The following ST8SIA1 variants were observed in gnomAD, a reference collection of about 807,000 sequenced individuals.
ST8SIA1 encodes alpha-N-acetylneuraminide alpha-2,8-sialyltransferase.
In ST8SIA1, 16 loss-of-function variants were observed where a neutral mutation model predicts 35.9. That is an observed-to-expected ratio of 0.45 (90% CI 0.30 to 0.68). The LOEUF is 0.68. Ranked by LOEUF, ST8SIA1 falls within the 30% of genes least tolerant of loss-of-function variation. The pLI is 0.09. For synonymous variants in ST8SIA1, 170 were observed against 169.6 expected (o/e 1.00, Z -0.02); for missense variants, 383 against 453.6 (o/e 0.84, Z 1.41).
chr12:22,269,711 CTTTTATATGGACAATAAAG>C (rs926497717), intron 2 of ST8SIA1, among the ~76,000 whole-genome samples: 3 of 152,162 alleles, frequency 2.0e-5, no homozygotes, highest in African/African-American at 7.2e-5. Context: ...GTATTCTCTT[CTTTTATATGGACAATAAAG>C]TTTGCTTAAT....
chr12:22,202,730 A>G (rs1286225658), intron 4 of ST8SIA1, among the ~76,000 whole-genome samples: 6 of 152,238 alleles, frequency 3.9e-5, no homozygotes, highest in African/African-American at 1.4e-4. Context: ...ATAAAGTACT[A>G]TGGAATACAG....
In ST8SIA1 at chr12:22,201,577, T is replaced by A; in HGVS notation, c.1046A>T (p.Asp349Val). Residue 349 changes from aspartate to valine, a missense_variant, in exon 5 of 5, where the codon GAT becomes GTT. By Grantham distance (152) the Asp-to-Val change is radical. Coordinates refer to ENST00000396037, the MANE Select transcript of ST8SIA1 (RefSeq NM_003034.4). ...CTAGGAAGTGGGCTGGAGTGAGGTA[T>A]CTTCACATGGGTCCAGCTGCATTCT... ...ALRMQLDPCE[D>V]TSLQPTS 2 of 1,611,916 alleles carry A rather than the reference T, an allele frequency of 1.2e-6. No homozygotes were observed. The highest frequency in any genetic ancestry group is 1.7e-6 in the Non-Finnish European group (2 of 1,179,002).
chr12:22,321,419 T>C (rs1307770482), intron 1 of ST8SIA1, among the ~76,000 whole-genome samples: 1 of 152,158 alleles, frequency 6.6e-6, no homozygotes, highest in Non-Finnish European at 1.5e-5. Context: ...AATATTCCCC[T>C]CCTCCCTGCC....
At chr12:22,211,962 C>T (rs1291124839) in intron 4 of ST8SIA1, among the ~76,000 whole-genome samples, 2 of 152,270 alleles carry the variant, frequency 1.3e-5, no homozygotes, top group Admixed American at 1.3e-4. Context: ...CCACGCACCT[C>T]GGCCTCCCAA....
In ST8SIA1 at chr12:22,198,216, T is replaced by G. The variant is rs1435501689; in HGVS notation, c.*3336A>C. 1.3e-5 allele frequency: 2 copies of G among 152,108 alleles called. No homozygotes were observed. Among genetic ancestry groups the G allele is most frequent in the Admixed American group, 1.3e-4 (2 of 15,260 alleles). 9.4% of individuals were successfully genotyped at this position (152,108 alleles called of 1,614,324 possible). A position where few individuals can be genotyped will look rare whatever the true frequency, so the allele number is the denominator to read the frequency against. ...ACAACAATTTTTTTAATTAGTCTGA[T>G]GGTACAAAGTGATGCCCCCTCTTGG... On this transcript the variant is annotated 3_prime_UTR_variant, in exon 5 of 5. Transcript: ENST00000396037.
intron 2 of ST8SIA1, chr12:22,268,623 A>AG (rs140675748): frequency 0.054 from 8,149 of 152,110 alleles, 324 homozygotes; most frequent in East Asian, 0.15. Context: ...AGTTGAGGGG[A>AG]GGGGGGGAAG....
rs139871717 is a variant in ST8SIA1 at position 22,295,779 on chromosome 12, C to T, written c.237-8486G>A. 6.8e-4 allele frequency among the ~76,000 whole-genome samples: 103 copies of T among 152,234 alleles called. 1 individual carries two copies. Among genetic ancestry groups the T allele is most frequent in the African/African-American group, 2.4e-3 (100 of 41,548 alleles). On this transcript the variant is annotated intron_variant, in intron 1 of 4. Transcript: ENST00000396037. ...CTACTTGATTTTGTATAAGGCTGAA[C>T]AAAGAGACCCATTTGTGGAAAAGTA... is the stretch of plus-strand genomic sequence containing the variant.
intron 2 of ST8SIA1, among the ~76,000 whole-genome samples, chr12:22,270,209 A>G (rs1447484242): frequency 2.0e-5 from 3 of 152,244 alleles, no homozygotes; most frequent in Non-Finnish European, 4.4e-5. Context: ...GGGAAATCCC[A>G]GGCAGGACAC....
At chr12:22,332,018 T>A (rs1295937999) in intron 1 of ST8SIA1, among the ~76,000 whole-genome samples, 1 of 152,208 alleles carries the variant, frequency 6.6e-6, no homozygotes, top group Non-Finnish European at 1.5e-5. Context: ...AAGCCAGGAC[T>A]CAAAAAATAT....
intron 1 of ST8SIA1, among the ~76,000 whole-genome samples, chr12:22,295,353 G>A (rs939854195): frequency 7.2e-5 from 11 of 152,118 alleles, no homozygotes; most frequent in African/African-American, 2.7e-4. Context: ...TAGATTAACA[G>A]GAGAAAAGTT....
chr12:22,209,645 T>C (rs1246877511), intron 4 of ST8SIA1, among the ~76,000 whole-genome samples: 24 of 152,228 alleles, frequency 1.6e-4, no homozygotes, highest in Admixed American at 1.5e-3. Flanking sequence ...TTGATATTTG[T>C]AGGGCACCAT....
chr12:22,252,563 T>C (rs189596960), intron 3 of ST8SIA1, among the ~76,000 whole-genome samples: 1 of 152,340 alleles, frequency 6.6e-6, no homozygotes, highest in African/African-American at 2.4e-5. Context: ...TACGCATACA[T>C]AGTTCTAGTT....
At chr12:22,241,741 A>G (rs940253409) in intron 4 of ST8SIA1, among the ~76,000 whole-genome samples, 7 of 151,750 alleles carry the variant, frequency 4.6e-5, no homozygotes, top group Non-Finnish European at 1.0e-4. Context: ...AATCCCTTCC[A>G]TGGACACTAC....
chr12:22,290,333 C>T (rs969051203), intron 1 of ST8SIA1, among the ~76,000 whole-genome samples: 4 of 152,156 alleles, frequency 2.6e-5, no homozygotes, highest in African/African-American at 9.7e-5. Context: ...ACCAGCTACA[C>T]TGGATATGGC....
intron 1 of ST8SIA1, among the ~76,000 whole-genome samples, chr12:22,313,170 T>A (rs901877042): frequency 1.3e-5 from 2 of 152,148 alleles, no homozygotes; most frequent in Non-Finnish European, 2.9e-5. Flanking sequence ...AACTGCACAA[T>A]AGAAATTAAA....
intron 2 of ST8SIA1, among the ~76,000 whole-genome samples, chr12:22,285,608 A>G (rs1043935834): frequency 4.6e-5 from 7 of 152,164 alleles, no homozygotes; most frequent in South Asian, 2.1e-4. Context: ...GCGGTGGCTC[A>G]CGCCTGTAAT....
chr12:22,274,694 C>T (rs61921826), intron 2 of ST8SIA1, among the ~76,000 whole-genome samples: 8,186 of 152,266 alleles, frequency 0.054, 321 homozygotes, highest in East Asian at 0.15. Flanking sequence ...ACACGCCACG[C>T]TCTATCGTGA....
chr12:22,287,488 CAAAAAAA>C (rs60549878), intron 1 of ST8SIA1, among the ~76,000 whole-genome samples, 195 bp from the exon 2 acceptor site: 2 of 126,344 alleles, frequency 1.6e-5, no homozygotes, highest in Non-Finnish European at 3.3e-5. Context: ...TATTTCACAG[CAAAAAAA>C]AAAAAAAAAA....
At chr12:22,298,918 T>G (rs1232204974) in intron 1 of ST8SIA1, among the ~76,000 whole-genome samples, 1 of 151,986 alleles carries the variant, frequency 6.6e-6, no homozygotes, top group Non-Finnish European at 1.5e-5. Context: ...AAGTAGAGAT[T>G]TTTTTTTAAA....
Sources: gnomAD v4.1 joint callset for allele counts (sites outside exome capture counted in the v4.1 genomes callset) on GRCh38, gnomAD v4.1.1 for gene constraint, MANE v1.5 for transcripts, NCBI Gene and HGNC (gene_info 2026-07-23, HGNC 2026-07-21) for gene names.